Variants in FMN2 observed in about 807,000 individuals in gnomAD.
FMN2 encodes formin 2.
In FMN2, 51 loss-of-function variants were observed where a neutral mutation model predicts 142.3. That is an observed-to-expected ratio of 0.36 (90% CI 0.29 to 0.45). The LOEUF (loss-of-function observed/expected upper bound fraction) is 0.45, where lower values mean the gene tolerates loss of function less well. Among genes scored for constraint, FMN2 ranks in the 20% least tolerant of loss-of-function variants. FMN2 has a pLI of 1.00. For missense variants in FMN2, 1,936 were observed against 2,122.8 expected, an observed-to-expected ratio of 0.91 and a Z score of 1.73; for synonymous variants, 882 against 869.8, an observed-to-expected ratio of 1.01 and a Z score of -0.25.
chr1:240,142,475 A>ATTTATTTATTTATT (rs1663224815), intron 2 of FMN2, among the ~76,000 whole-genome samples: 4 of 146,242 alleles, frequency 2.7e-5, no homozygotes, highest in South Asian at 2.2e-4. Context: ...AAACCTTTTC[A>ATTTATTTATTTATT]TATTTATTTA....
Position 240,252,215 on chromosome 1 carries a change from A to T in FMN2, c.4066-5730A>T, listed in dbSNP as rs372138256. On this transcript the variant is annotated intron_variant, in intron 6 of 17. Transcript: ENST00000319653. ...TGAGCCACTATTTCCGGCCTCCTTA[A>T]CTGATTTCTGATTGCTTTGTATATC... 3.0e-4 allele frequency among the ~76,000 whole-genome samples: 46 copies of T among 152,050 alleles called. No homozygotes were observed. In the East Asian group the frequency reaches 6.0e-3, roughly 20 times the overall value.
chr1:240,234,261 TC>T (rs1558384067), intron 6 of FMN2, among the ~76,000 whole-genome samples: 1 of 151,702 alleles, frequency 6.6e-6, no homozygotes, highest in East Asian at 1.9e-4. Context: ...GTGACACTCA[TC>T]CCCCCTACCC....
intron 8 of FMN2, among the ~76,000 whole-genome samples, chr1:240,308,025 TTC>T (rs1283138576): frequency 6.6e-6 from 1 of 152,158 alleles, no homozygotes; most frequent in Non-Finnish European, 1.5e-5. Context: ...TTTTAAAATA[TTC>T]TGTGTTAAAG....
At chr1:240,266,797 A>C (rs1668827330) in intron 7 of FMN2, among the ~76,000 whole-genome samples, 1 of 152,084 alleles carries the variant, frequency 6.6e-6, no homozygotes, top group Admixed American at 6.6e-5. Flanking sequence ...AAAGCCACAC[A>C]TCTACAGTCA....
At chr1:240,179,994 G>A (rs766262922) in intron 3 of FMN2, among the ~76,000 whole-genome samples, 2 of 152,162 alleles carry the variant, frequency 1.3e-5, no homozygotes, top group Admixed American at 1.3e-4. Flanking sequence ...TTGACTCGAA[G>A]TTAATTGAAT....
chr1:240,361,184 T>TATAA (rs1234608765), intron 14 of FMN2, among the ~76,000 whole-genome samples: 9 of 102,720 alleles, frequency 8.8e-5, no homozygotes, highest in East Asian at 2.5e-4. Context: ...TATATATATA[T>TATAA]AAAAGAGTTT....
rs773755456 is a variant in FMN2, at chr1:240,474,198, A to T, written c.*44A>T. 2 of 1,523,848 alleles carry T rather than the reference A, an allele frequency of 1.3e-6. No homozygotes were observed. The highest frequency in any genetic ancestry group is 2.6e-5 in the South Asian group (2 of 77,168). The allele number at this position is 1,523,848 out of a possible 1,614,324, so 94.4% of individuals were successfully genotyped here. A position where few individuals can be genotyped will look rare whatever the true frequency, so the allele number is the denominator to read the frequency against. On this transcript the variant is annotated 3_prime_UTR_variant, in exon 18 of 18. Coordinates refer to ENST00000319653, the MANE Select transcript of FMN2 (RefSeq NM_020066.5). ...AAAATGAGTCATTGCAACGACTTTC[A>T]CAAAATTCAGCTGACCTGAGAGTGG...
intron 1 of FMN2, among the ~76,000 whole-genome samples, chr1:240,108,287 A>G (rs1661687803): frequency 6.6e-6 from 1 of 152,128 alleles, no homozygotes; most frequent in South Asian, 2.1e-4. Context: ...CTAGATATTT[A>G]TCCTTGTAGC....
chr1:240,267,245 A>G (rs1038079129), intron 7 of FMN2, among the ~76,000 whole-genome samples: 5 of 152,044 alleles, frequency 3.3e-5, no homozygotes, highest in Non-Finnish European at 7.4e-5. Flanking sequence ...AGAAACTTAA[A>G]CAATTCAACA....
At chr1:240,162,766 T>G (rs1255070017) in intron 2 of FMN2, among the ~76,000 whole-genome samples, 1 of 152,110 alleles carries the variant, frequency 6.6e-6, no homozygotes, top group East Asian at 1.9e-4. Flanking sequence ...TAAATCTGTT[T>G]CCTTCTTTCT....
At chr1:240,417,273 T>G (rs1674608149) in intron 15 of FMN2, among the ~76,000 whole-genome samples, 1 of 151,392 alleles carries the variant, frequency 6.6e-6, no homozygotes, top group Admixed American at 6.6e-5. Flanking sequence ...TCTCTGAGAC[T>G]GGGGTACGTC....
chr1:240,107,312 C>T (rs930010466), intron 1 of FMN2, among the ~76,000 whole-genome samples: 5 of 152,136 alleles, frequency 3.3e-5, no homozygotes, highest in South Asian at 2.1e-4. Flanking sequence ...CTTTCCAGCT[C>T]GGAGAGTCAA....
At chr1:240,276,337 G>A (rs755116999) in intron 7 of FMN2, among the ~76,000 whole-genome samples, 4 of 152,170 alleles carry the variant, frequency 2.6e-5, no homozygotes, top group Non-Finnish European at 4.4e-5. Flanking sequence ...GAATTAAAGG[G>A]TGTATATGAC....
chr1:240,121,904 G>A (rs1013813008), intron 1 of FMN2, among the ~76,000 whole-genome samples: 1 of 151,444 alleles, frequency 6.6e-6, no homozygotes, highest in Admixed American at 6.6e-5. Context: ...GCCTTTGCCT[G>A]CCTCTTCGTC....
rs567511349 is a variant in FMN2, at chr1:240,333,788, T to C, written c.4585-99T>C. 4.7e-5 allele frequency: 40 copies of C among 846,630 alleles called. No individual in the cohort carries two copies. The African/African-American group carries it at 5.3e-4, about 11-fold the overall frequency. The allele number at this position is 846,630 out of a possible 1,614,324, so 52.4% of individuals were successfully genotyped here. ...ATTTCACATTTCATTCCAAATGTTCTCATGTATATACATGAATTCACTAGA... is the reference window on the plus strand; with the variant it reads ...ATTTCACATTTCATTCCAAATGTTCCCATGTATATACATGAATTCACTAGA... On this transcript the variant is annotated intron_variant, in intron 11 of 17. Transcript: ENST00000319653.
chr1:240,236,162 G>GT (rs1314605466), intron 6 of FMN2, among the ~76,000 whole-genome samples: 6 of 152,038 alleles, frequency 3.9e-5, no homozygotes, highest in Non-Finnish European at 5.9e-5. Flanking sequence ...TCATTATGGC[G>GT]TTTTTTGCAT....
At chr1:240,457,255 C>G (rs1198562369) in intron 16 of FMN2, among the ~76,000 whole-genome samples, 1 of 152,186 alleles carries the variant, frequency 6.6e-6, no homozygotes, top group Non-Finnish European at 1.5e-5. Context: ...TGAGACAAAT[C>G]CTGGGAAGCA....
At position 240,208,364 on chromosome 1, in the gene FMN2, A is replaced by T. The variant is rs528484073; in HGVS notation, c.3552A>T (p.Ile1184=). The T allele has an allele frequency of 3.5e-5, 53 of 1,535,970 alleles. No homozygotes were observed. The Admixed American group carries it at 7.0e-4, about 20-fold the overall frequency. Residue 1184 remains isoleucine, a synonymous_variant, in exon 5 of 18, where the codon ATA becomes ATT. Coordinates refer to ENST00000319653, the MANE Select transcript of FMN2 (RefSeq NM_020066.5). The stretch of plus-strand genomic sequence containing the variant: ...CGCCCCCTCTACCTGGAGTGGGAAT[A>T]CCTCCTCCGCCCCCTCTACCTGGAG... ...PPPPPLPGVG[I]PPPPPLPGVG... is the part of the protein sequence containing the mutation.
At chr1:240,169,999 TAA>T (rs1664636941) in intron 2 of FMN2, among the ~76,000 whole-genome samples, 1 of 152,192 alleles carries the variant, frequency 6.6e-6, no homozygotes, top group African/African-American at 2.4e-5. Context: ...AGTTTCTTAT[TAA>T]GAGAGGAACT....
Sources: gnomAD v4.1 joint callset for allele counts (sites outside exome capture counted in the v4.1 genomes callset) on GRCh38, gnomAD v4.1.1 for gene constraint, MANE v1.5 for transcripts, NCBI Gene and HGNC (gene_info 2026-07-23, HGNC 2026-07-21) for gene names.